Variants in TMTC1 observed in about 807,000 individuals in gnomAD.
TMTC1 encodes the protein transmembrane O-mannosyltransferase targeting cadherins 1.
TMTC1 carries 73 observed loss-of-function variants against 104.8 expected under a neutral mutation model. The ratio of observed to expected loss-of-function variants is 0.70; its 90% CI spans 0.58 to 0.85. The LOEUF (loss-of-function observed/expected upper bound fraction) is 0.85. Ranked by LOEUF, TMTC1 falls within the 40% of genes least tolerant of loss-of-function variation. The probability of loss-of-function intolerance (pLI) is 0.00; values close to 1 mark genes in which losing one functional copy is unlikely to be tolerated. For synonymous variants in TMTC1, 434 were observed against 428.7 expected (o/e 1.01, Z -0.15); for missense variants, 1,035 against 1,096.1 (o/e 0.94, Z 0.79).
At chr12:29,521,234 G>A (rs1431870779) in intron 11 of TMTC1, 1 of 153,804 alleles carries the variant, frequency 6.5e-6, no homozygotes, top group African/African-American at 2.4e-5. Flanking sequence ...GTTTTTGAGG[G>A]AAGTAGAGAG....
chr12:29,669,448 GT>G (rs1009551990), intron 5 of TMTC1, among the ~76,000 whole-genome samples: 1 of 152,130 alleles, frequency 6.6e-6, no homozygotes, highest in African/African-American at 2.4e-5. Context: ...CATGACATTG[GT>G]AGAGTGCCCA....
At chr12:29,613,434 G>A (rs1050377889) in intron 6 of TMTC1, among the ~76,000 whole-genome samples, 5 of 152,144 alleles carry the variant, frequency 3.3e-5, no homozygotes, top group Non-Finnish European at 7.3e-5. Flanking sequence ...AGCTGCATAG[G>A]TGTCAGGGCT....
intron 5 of TMTC1, among the ~76,000 whole-genome samples, chr12:29,666,521 C>T (rs892880539): frequency 1.3e-5 from 2 of 152,164 alleles, no homozygotes; most frequent in South Asian, 4.2e-4. Context: ...GTGTGAGCCA[C>T]CACACCCGGC....
chr12:29,595,328 T>G (rs536369241), intron 7 of TMTC1, among the ~76,000 whole-genome samples: 79 of 152,212 alleles, frequency 5.2e-4, no homozygotes, highest in Non-Finnish European at 9.0e-4. Flanking sequence ...CCAGTGGATC[T>G]CCAGCCCACA....
rs558018503 is a variant in TMTC1 at position 29,695,184 on chromosome 12, A to G, written c.938+56482T>C. ...TCTGTCTTGCTCTCCTCTGTCTCTT[A>G]TAACAACACTCTTGATTGGATTTGG... On this transcript the variant is annotated intron_variant, in intron 5 of 17. Coordinates refer to ENST00000539277, the MANE Select transcript of TMTC1 (RefSeq NM_001193451.2). Among the ~76,000 whole-genome samples, 25 of 152,212 alleles carry G rather than the reference A, an allele frequency of 1.6e-4. 1 individual carries two copies. In the South Asian group the frequency reaches 4.8e-3, roughly 29 times the overall value.
chr12:29,645,409 C>T (rs1012468707), intron 5 of TMTC1, among the ~76,000 whole-genome samples: 1 of 152,094 alleles, frequency 6.6e-6, no homozygotes, highest in Non-Finnish European at 1.5e-5. Flanking sequence ...CTACAATGAA[C>T]ATAGTTAAAA....
intron 9 of TMTC1, among the ~76,000 whole-genome samples, chr12:29,557,810 T>C (rs565208701): frequency 6.6e-6 from 1 of 152,322 alleles, no homozygotes; most frequent in South Asian, 2.1e-4. Flanking sequence ...GGATGATATA[T>C]AATGTCACCC....
At chr12:29,748,941 T>C (rs1565811551) in intron 5 of TMTC1, among the ~76,000 whole-genome samples, 1 of 152,206 alleles carries the variant, frequency 6.6e-6, no homozygotes, top group Non-Finnish European at 1.5e-5. Flanking sequence ...CACTTTGCTA[T>C]TATCTATGCT....
At chr12:29,640,165 G>A (rs747260264) in intron 5 of TMTC1, among the ~76,000 whole-genome samples, 5 of 152,274 alleles carry the variant, frequency 3.3e-5, no homozygotes, top group East Asian at 1.9e-4. Context: ...AAGCAACTCC[G>A]ACAAGCTTCT....
chr12:29,699,343 A>T (rs971661586), intron 5 of TMTC1, among the ~76,000 whole-genome samples: 1 of 152,208 alleles, frequency 6.6e-6, no homozygotes, highest in Non-Finnish European at 1.5e-5. Flanking sequence ...TCTATAACAT[A>T]AAAATGAGAA....
chr12:29,675,425 AG>A (rs1156575864), intron 5 of TMTC1, among the ~76,000 whole-genome samples: 6 of 152,192 alleles, frequency 3.9e-5, no homozygotes, highest in African/African-American at 1.2e-4. Flanking sequence ...CGTGGGACAC[AG>A]GACCTTCAGT....
At chr12:29,729,484 G>T (rs1192459146) in intron 5 of TMTC1, among the ~76,000 whole-genome samples, 1 of 152,032 alleles carries the variant, frequency 6.6e-6, no homozygotes, top group Non-Finnish European at 1.5e-5. Flanking sequence ...GAGAATTCAG[G>T]GTGTTTCTCA....
intron 5 of TMTC1, among the ~76,000 whole-genome samples, chr12:29,662,030 A>G (rs974265296): frequency 6.6e-6 from 1 of 152,216 alleles, no homozygotes; most frequent in Non-Finnish European, 1.5e-5. Flanking sequence ...CCCCAAATGA[A>G]AACATAAAAT....
At chr12:29,706,465 C>T (rs965708846) in intron 5 of TMTC1, among the ~76,000 whole-genome samples, 1 of 152,164 alleles carries the variant, frequency 6.6e-6, no homozygotes, top group Admixed American at 6.5e-5. Flanking sequence ...AAAAGTATAT[C>T]CTGGCTCCTG....
At chr12:29,745,615 A>C (rs61274955) in intron 5 of TMTC1, among the ~76,000 whole-genome samples, 38,940 of 130,218 alleles carry the variant, frequency 0.3, 6,184 homozygotes, top group Non-Finnish European at 0.35. Flanking sequence ...AGCGAGACTC[A>C]ATCAAAAAAA....
chr12:29,644,015 TA>T (rs373080706), intron 5 of TMTC1, among the ~76,000 whole-genome samples: 3 of 117,360 alleles, frequency 2.6e-5, no homozygotes, highest in African/African-American at 1.0e-4. Context: ...TATAAATATA[TA>T]ATTTATATAT....
At chr12:29,519,683 T>G (rs1944092860) in intron 12 of TMTC1, 1 of 152,132 alleles carries the variant, frequency 6.6e-6, no homozygotes, top group African/African-American at 2.4e-5. Context: ...GGACTGTTGT[T>G]GAAGTAAAAG....
chr12:29,698,199 C>T (rs1262418281), intron 5 of TMTC1, among the ~76,000 whole-genome samples: 1 of 152,172 alleles, frequency 6.6e-6, no homozygotes. Context: ...CACATCTGGA[C>T]AGATTTCGTC....
At chr12:29,700,232 T>C (rs1391303772) in intron 5 of TMTC1, among the ~76,000 whole-genome samples, 1 of 150,928 alleles carries the variant, frequency 6.6e-6, no homozygotes, top group Non-Finnish European at 1.5e-5. Context: ...TTTTTCTTTT[T>C]TTTTTTGTTT....
Sources: allele counts gnomAD v4.1 joint callset (sites outside exome capture counted in the v4.1 genomes callset), GRCh38; gene constraint gnomAD v4.1.1; transcripts MANE v1.5; gene names NCBI Gene and HGNC (gene_info 2026-07-23, HGNC 2026-07-21).